Variants in ZFYVE16 observed in about 807,000 individuals in gnomAD.
ZFYVE16 encodes zinc finger FYVE-type containing 16, also known as zinc finger FYVE domain-containing protein 16.
ZFYVE16 carries 89 observed loss-of-function variants against 138.1 expected under a neutral mutation model. The observed-to-expected ratio is 0.64, with a 90% CI of 0.54 to 0.77. The LOEUF is 0.77. ZFYVE16 is among the 30% of genes least tolerant of loss of function. ZFYVE16 has a pLI of 0.00. For missense variants in ZFYVE16, 1,793 were observed against 1,786.7 expected (o/e 1.00, Z -0.06); for synonymous variants, 596 against 618.3 (o/e 0.96, Z 0.53).
At chr5:80,408,937 T>G (rs1333671964) in intron 1 of ZFYVE16, among the ~76,000 whole-genome samples, 1 of 151,768 alleles carries the variant, frequency 6.6e-6, no homozygotes, top group African/African-American at 2.4e-5. Context: ...TGGCGGGAGT[T>G]TAATGGTTTA....
At chr5:80,472,573 TAA>T (rs33928816) in intron 15 of ZFYVE16, among the ~76,000 whole-genome samples, 186 bp from the exon 16 acceptor site, 1 of 151,504 alleles carries the variant, frequency 6.6e-6, no homozygotes, top group Non-Finnish European at 1.5e-5. Context: ...GTTTTAACCT[TAA>T]AAAAAAAATT....
Position 80,438,598 on chromosome 5 carries a change from A to T in ZFYVE16, c.1913A>T (p.Asp638Val). 6.2e-7 allele frequency: 1 copy of T among 1,614,142 alleles called. No individual in the cohort carries two copies. The highest frequency in any genetic ancestry group is 8.5e-7 in the Non-Finnish European group (1 of 1,179,994). Reference sequence around the variant, plus strand: ...ATTACAAATCAATTATCGGTCTCTGATATTAACAGTCAATCTGTTGGAGGG... The same window carrying T: ...ATTACAAATCAATTATCGGTCTCTGTTATTAACAGTCAATCTGTTGGAGGG... ...SEITNQLSVS[D>V]INSQSVGGAR... is the part of the protein sequence containing the mutation. Residue 638 changes from aspartate to valine, a missense_variant, in exon 4 of 19, where the codon GAT (aspartate) becomes GTT (valine). By Grantham distance (152) the Asp-to-Val change is radical. Around this residue, in one of 2 missense-constraint regions of ZFYVE16, gnomAD observed 1,295 missense variants for 1,204.3 expected, o/e 1.08. Transcript: ENST00000505560.
At position 80,423,133 on chromosome 5, in the gene ZFYVE16, G is replaced by A. The variant is rs75156571; in HGVS notation, c.-93-4359G>A. Among the ~76,000 whole-genome samples, 49 of 152,292 alleles carry A rather than the reference G, an allele frequency of 3.2e-4. No individual in the cohort carries two copies. The East Asian group carries it at 8.5e-3, about 26-fold the overall frequency. On this transcript the variant is annotated intron_variant, in intron 1 of 18. Transcript: ENST00000505560. ...TTCTTTAGATGTTTGGCAAAATTCA[G>A]CAGTGGATCCATCTGGATCTGGTGA... is the stretch of plus-strand genomic sequence containing the variant.
rs1264735404 is a variant in ZFYVE16, at chr5:80,481,911, CA to C, written c.*4535del. Among the ~76,000 whole-genome samples, 2 of 152,210 alleles carry C rather than the reference CA, an allele frequency of 1.3e-5. No individual in the cohort carries two copies. Among genetic ancestry groups the C allele is most frequent in the Admixed American group, 1.3e-4 (2 of 15,280 alleles). On this transcript the variant is annotated 3_prime_UTR_variant, in exon 19 of 19. Coordinates refer to ENST00000505560, the MANE Select transcript of ZFYVE16 (RefSeq NM_001284236.3). Reference sequence around the variant, plus strand: ...CTTGGCTCACTGCAACCTCCACCCCCAGGGTGCAAGTGATTCTCCTGTCTCA... The same window carrying C: ...CTTGGCTCACTGCAACCTCCACCCCCGGGTGCAAGTGATTCTCCTGTCTCA...
At chr5:80,430,189 G>A (rs1748781100) in intron 2 of ZFYVE16, among the ~76,000 whole-genome samples, 1 of 152,162 alleles carries the variant, frequency 6.6e-6, no homozygotes, top group Non-Finnish European at 1.5e-5. Flanking sequence ...ATAGTTAGAA[G>A]TAAAGCACTC....
chr5:80,407,658 C>T (rs1744805033), upstream of ZFYVE16, among the ~76,000 whole-genome samples: 1 of 152,180 alleles, frequency 6.6e-6, no homozygotes, highest in African/African-American at 2.4e-5. Context: ...AGCCCGCTGC[C>T]GGGAAGGCGG....
Position 80,451,710 on chromosome 5 carries a change from G to T in ZFYVE16, c.3607+1G>T, listed in dbSNP as rs763117801. ...TTGAGATTGGGTGCAGAATATAAAG[G>T]TAAGTTTTAGAGTAATAAGTTAAAT... On this transcript the variant is annotated splice_donor_variant, in intron 11 of 18. Transcript: ENST00000505560. LOFTEE classifies it high-confidence loss of function. 6.2e-7 allele frequency: 1 copy of T among 1,609,828 alleles called. No homozygotes were observed. The highest frequency in any genetic ancestry group is 1.1e-5 in the South Asian group (1 of 90,288).
At chr5:80,431,501 T>C (rs914186201) in intron 2 of ZFYVE16, among the ~76,000 whole-genome samples, 1 of 152,306 alleles carries the variant, frequency 6.6e-6, no homozygotes, top group South Asian at 2.1e-4. Flanking sequence ...TGGCAAAAAC[T>C]GGAAGCATTC....
intron 15 of ZFYVE16, among the ~76,000 whole-genome samples, chr5:80,472,098 C>T (rs1754441783): frequency 6.6e-6 from 1 of 152,048 alleles, no homozygotes; most frequent in South Asian, 2.1e-4. Flanking sequence ...GTTTAAGCCT[C>T]ATCTAGTCTC....
Position 80,482,154 on chromosome 5 carries a change from G to A in ZFYVE16, c.*4777G>A, listed in dbSNP as rs796148705. The A allele has an allele frequency of 4.6e-5, 7 of 152,296 alleles. No individual in the cohort carries two copies. The highest frequency in any genetic ancestry group is 1.7e-4 in the African/African-American group (7 of 41,552). The allele number at this position is 152,296 out of a possible 1,614,324, so 9.4% of individuals were successfully genotyped here. A position where few individuals can be genotyped will look rare whatever the true frequency, so the allele number is the denominator to read the frequency against. ...AGTTATTTTAATCATGCTACACAAA[G>A]AAGACATTTCTCCAAAGGAAATATA... is the stretch of plus-strand genomic sequence containing the variant. On this transcript the variant is annotated 3_prime_UTR_variant, in exon 19 of 19. Transcript: ENST00000505560.
rs144042182 is a variant in ZFYVE16 at position 80,439,980 on chromosome 5, T to C, written c.2367T>C (p.Tyr789=). Residue 789 remains tyrosine (Y), a synonymous_variant, in exon 5 of 19, where the codon TAT becomes TAC. Transcript: ENST00000505560. ...GTAATAGGAAGTGTAAACTGCAATA[T>C]CTAGAAAAGGAAGCAAGAGTATGTG... ...VCCNRKCKLQ[Y]LEKEARVCVV... 4.2e-4 allele frequency: 679 copies of C among 1,611,436 alleles called. 9 individuals carry two copies. In the South Asian group the frequency reaches 6.8e-3, roughly 16 times the overall value.
intron 15 of ZFYVE16, among the ~76,000 whole-genome samples, chr5:80,470,592 G>C (rs898512907): frequency 6.6e-6 from 1 of 152,088 alleles, no homozygotes. Flanking sequence ...GCTCACTGCA[G>C]CCTTGAACTC....
intron 2 of ZFYVE16, 142 bp from the exon 3 acceptor site, chr5:80,433,967 A>T (rs1749501159): frequency 3.9e-6 from 2 of 518,208 alleles, no homozygotes; most frequent in African/African-American, 3.8e-5. Flanking sequence ...AGTTTCCCCA[A>T]CTAAATTGTA....
At chr5:80,462,060 C>G (rs1170286051) in intron 15 of ZFYVE16, among the ~76,000 whole-genome samples, 1 of 152,126 alleles carries the variant, frequency 6.6e-6, no homozygotes, top group Non-Finnish European at 1.5e-5. Flanking sequence ...TCCTTAAAGG[C>G]CCAACTCCAA....
At position 80,481,804 on chromosome 5, in the gene ZFYVE16, A is replaced by G. The variant is rs530164506; in HGVS notation, c.*4427A>G. Among the ~76,000 whole-genome samples, 1 of 152,260 alleles carries G rather than the reference A, an allele frequency of 6.6e-6. No individual in the cohort carries two copies. Among genetic ancestry groups the G allele is most frequent in the African/African-American group, 2.4e-5 (1 of 41,568 alleles). ...CCCAAATGTCAGAATTATCAGAAAAAGACTTAAAACTAGTTATTTTATTTT... is the reference window on the plus strand; with the variant it reads ...CCCAAATGTCAGAATTATCAGAAAAGGACTTAAAACTAGTTATTTTATTTT... On this transcript the variant is annotated 3_prime_UTR_variant, in exon 19 of 19. Coordinates refer to ENST00000505560, the MANE Select transcript of ZFYVE16 (RefSeq NM_001284236.3).
intron 15 of ZFYVE16, among the ~76,000 whole-genome samples, chr5:80,469,953 T>A (rs558224885): frequency 2.0e-5 from 3 of 151,998 alleles, no homozygotes; most frequent in African/African-American, 7.2e-5. Context: ...ATATGTTTAT[T>A]TAGCCCATAT....
In ZFYVE16 at chr5:80,437,037, T is replaced by C. The variant is rs752188904; in HGVS notation, c.352T>C (p.Tyr118His). 5.0e-6 allele frequency: 8 copies of C among 1,614,112 alleles called. No individual in the cohort carries two copies. The East Asian group carries it at 6.7e-5, about 13-fold the overall frequency. ...TACTTCAGATGAAATCCAGCCGTTA[T>C]ATATGGGACGATGTAGTAAACCTAT... ...GGTSDEIQPL[Y>H]MGRCSKPICD... Residue 118 changes from tyrosine (Y) to histidine (H), a missense_variant, in exon 4 of 19, where the codon TAT (tyrosine) becomes CAT (histidine). Transcript: ENST00000505560.
rs1750313014 is a variant in ZFYVE16, at chr5:80,438,793, C to T, written c.2108C>T (p.Ser703Phe). Residue 703 changes from serine (S) to phenylalanine (F), a missense_variant, in exon 4 of 19, where the codon TCT becomes TTT. Transcript: ENST00000505560. The stretch of plus-strand genomic sequence containing the variant: ...GCTGATCCACAGGTTAGCTTCAACT[C>T]TAATTACATTGATATAGAAAGTAAT... ...STADPQVSFN[S>F]NYIDIESNSE... 1.9e-6 allele frequency: 3 copies of T among 1,614,078 alleles called. No individual in the cohort carries two copies. The highest frequency in any genetic ancestry group is 2.5e-6 in the Non-Finnish European group (3 of 1,179,978).
chr5:80,425,222 T>C (rs1442467130), intron 1 of ZFYVE16, among the ~76,000 whole-genome samples: 1 of 152,220 alleles, frequency 6.6e-6, no homozygotes, highest in Non-Finnish European at 1.5e-5. Flanking sequence ...TATTTTTCTC[T>C]TCCTCGTCCC....
Sources: allele counts gnomAD v4.1 joint callset (sites outside exome capture counted in the v4.1 genomes callset), GRCh38; gene constraint gnomAD v4.1.1; regional missense constraint gnomAD v4.1.1; transcripts MANE v1.5; gene names NCBI Gene and HGNC (gene_info 2026-07-23, HGNC 2026-07-21).